GSTK1: variants seen among roughly 807,000 people sequenced by gnomAD.
GSTK1 encodes the protein glutathione S-transferase kappa 1.
GSTK1 carries 25 observed loss-of-function variants against 30.9 expected under a neutral mutation model. The ratio of observed to expected loss-of-function variants is 0.81; its 90% confidence interval spans 0.59 to 1.13. GSTK1 has a LOEUF of 1.13. Ranked by LOEUF, GSTK1 falls within the 50% of genes most tolerant of loss-of-function variation. GSTK1 has a pLI of 0.00. For missense variants in GSTK1, 292 were observed against 292.4 expected, an observed-to-expected ratio of 1.00 and a Z score of 0.01; for synonymous variants, 108 against 112.5, an observed-to-expected ratio of 0.96 and a Z score of 0.25.
At chr7:143,266,593 C>G (rs1193409307) in intron 5 of GSTK1, among the ~76,000 whole-genome samples, 1 of 150,146 alleles carries the variant, frequency 6.7e-6, no homozygotes, top group Non-Finnish European at 1.5e-5. Context: ...AGCACCTTGG[C>G]GCTAACCCTT....
intron 1 of GSTK1, 189 bp downstream of exon 1, chr7:143,263,774 C>T: frequency 1.6e-6 from 1 of 617,328 alleles, no homozygotes; most frequent in African/African-American, 1.8e-5. Flanking sequence ...CTGGCTCCAA[C>T]CCGAGCCTTT....
At chr7:143,265,411 G>A (rs1800847144) in intron 5 of GSTK1, 115 bp downstream of exon 5, 1 of 932,828 alleles carries the variant, frequency 1.1e-6, no homozygotes, top group East Asian at 2.7e-5. Context: ...ATAATTACTG[G>A]GGAAGAAAGG....
Position 143,268,739 on chromosome 7 carries a change from C to T in GSTK1, c.632-49C>T, listed in dbSNP as rs547430770. The T allele has an allele frequency of 6.3e-7, 1 of 1,575,882 alleles. No homozygotes were observed. The highest frequency in any genetic ancestry group is 1.3e-5 in the African/African-American group (1 of 74,132). Reference sequence around the variant, plus strand: ...GACCTTGTGGGACCAACTCCTGCTGCCAGAACACCTGAGAACAGTGTGCAG... The same window carrying T: ...GACCTTGTGGGACCAACTCCTGCTGTCAGAACACCTGAGAACAGTGTGCAG... On this transcript the variant is annotated intron_variant, in intron 7 of 7. Coordinates refer to ENST00000358406, the MANE Select transcript of GSTK1 (RefSeq NM_015917.3). The surrounding 1 kb of genome is among the most constrained non-coding windows in gnomAD (Gnocchi z 4.1).
chr7:143,267,400 G>T (rs560726672), intron 5 of GSTK1, among the ~76,000 whole-genome samples: 1 of 152,160 alleles, frequency 6.6e-6, no homozygotes, highest in Non-Finnish European at 1.5e-5. Context: ...TTCTGTGATT[G>T]ACTCTGTGCC....
Position 143,267,629 on chromosome 7 carries a change from G to C in GSTK1, c.433G>C (p.Ala145Pro). 1 of 1,612,858 alleles carries C rather than the reference G, an allele frequency of 6.2e-7. No homozygotes were observed. Among genetic ancestry groups the C allele is most frequent in the Non-Finnish European group, 8.5e-7 (1 of 1,178,818 alleles). ...PQSILAAAEK[A>P]GMSAEQAQGL... is the part of the protein sequence containing the mutation. ...TATATTCCCTTAGGCTGCAGAGAAGGCTGGTATGTCTGCAGAACAAGCCCA... is the reference window on the plus strand; with the variant it reads ...TATATTCCCTTAGGCTGCAGAGAAGCCTGGTATGTCTGCAGAACAAGCCCA... The change falls in exon 6 of 8, where the codon GCT (alanine) becomes CCT (proline). Residue 145 changes from alanine to proline, a missense_variant. Physicochemically the swap from Ala to Pro is conservative, Grantham distance 27. Transcript: ENST00000358406.
chr7:143,265,089 A>C lies in GSTK1; in HGVS notation c.381A>C (p.Ser127=). 6.2e-7 allele frequency: 1 copy of C among 1,614,138 alleles called. No homozygotes were observed. The highest frequency in any genetic ancestry group is 8.5e-7 in the Non-Finnish European group (1 of 1,180,032). ...ASRELWMRVW[S]RNEDITEPQS... ...GGGAGCTGTGGATGCGCGTCTGGTC[A>C]AGGGTGAGTGTGGGGCTCTGGGAAT... Residue 127 remains serine (S), a synonymous_variant, in exon 4 of 8, where the codon TCA becomes TCC. Coordinates refer to ENST00000358406, the MANE Select transcript of GSTK1 (RefSeq NM_015917.3).
chr7:143,264,030 G>A (rs192672047), intron 1 of GSTK1, 56 bp from the exon 2 acceptor site: 2 of 1,504,088 alleles, frequency 1.3e-6, no homozygotes, highest in East Asian at 2.3e-5. Flanking sequence ...CTTTCCCTCG[G>A]CTCTTTCACT....
rs777631393 is a variant in GSTK1, at chr7:143,268,813, T to G, written c.657T>G (p.Pro219=). ...LLGEKWMGPI[P]PAVNARL ...GAGAGAAGTGGATGGGCCCTATACC[T>G]CCAGCCGTGAATGCCAGACTTTAAG... Residue 219 remains proline (P), a synonymous_variant, in exon 8 of 8, where the codon CCT becomes CCG. Transcript: ENST00000358406. The surrounding 1 kb of genome is among the most constrained non-coding windows in gnomAD (Gnocchi z 4.1). The G allele has an allele frequency of 6.2e-6, 10 of 1,613,724 alleles. No homozygotes were observed. Among genetic ancestry groups the G allele is most frequent in the Non-Finnish European group, 8.5e-6 (10 of 1,179,924 alleles).
At chr7:143,265,188 C>A in intron 4 of GSTK1, 73 bp from the exon 5 acceptor site, 1 of 1,607,118 alleles carries the variant, frequency 6.2e-7, no homozygotes, top group Non-Finnish European at 8.5e-7. Context: ...TGCCCCCGCC[C>A]GGGGGATCTA....
Position 143,268,693 on chromosome 7 carries a change from GTCTT to G in GSTK1, c.632-91_632-88del, listed in dbSNP as rs1371268946. 5 of 1,101,390 alleles carry G rather than the reference GTCTT, an allele frequency of 4.5e-6. No individual in the cohort carries two copies. Among genetic ancestry groups the G allele is most frequent in the Middle Eastern group, 2.6e-4 (1 of 3,780 alleles). 68.2% of individuals were successfully genotyped at this position (1,101,390 alleles called of 1,614,324 possible). Reference sequence around the variant, plus strand: ...TTCTATACCTTGAAGCCAAGCAAAAGTCTTTCTAGAAAACCCCTGGGACCTTGTG... The same window carrying G: ...TTCTATACCTTGAAGCCAAGCAAAAGTCTAGAAAACCCCTGGGACCTTGTG... On this transcript the variant is annotated intron_variant, in intron 7 of 7. Coordinates refer to ENST00000358406, the MANE Select transcript of GSTK1 (RefSeq NM_015917.3). This position sits in a 1 kb window ranked among gnomAD's most constrained non-coding sequence, Gnocchi z 4.1.
At position 143,268,841 on chromosome 7, in the gene GSTK1, T is replaced by G. The variant is rs770253767; in HGVS notation, c.*4T>G. ...AGCCGTGAATGCCAGACTTTAAGAT[T>G]GCCCGGAGGAAGCAAACTCTTCGTA... is the stretch of plus-strand genomic sequence containing the variant. On this transcript the variant is annotated 3_prime_UTR_variant, in exon 8 of 8. Transcript: ENST00000358406. The surrounding 1 kb of genome is among the most constrained non-coding windows in gnomAD (Gnocchi z 4.1). The G allele has an allele frequency of 1.8e-5, 29 of 1,613,694 alleles. No homozygotes were observed. Among genetic ancestry groups the G allele is most frequent in the Non-Finnish European group, 2.5e-5 (29 of 1,179,642 alleles).
At position 143,268,595 on chromosome 7, in the gene GSTK1, C is replaced by A. The variant is rs987102058; in HGVS notation, c.632-193C>A. Among the ~76,000 whole-genome samples, 1 of 152,178 alleles carries A rather than the reference C, an allele frequency of 6.6e-6. No homozygotes were observed. Among genetic ancestry groups the A allele is most frequent in the Non-Finnish European group, 1.5e-5 (1 of 68,048 alleles). On this transcript the variant is annotated intron_variant, in intron 7 of 7. Coordinates refer to ENST00000358406, the MANE Select transcript of GSTK1 (RefSeq NM_015917.3). This position sits in a 1 kb window ranked among gnomAD's most constrained non-coding sequence, Gnocchi z 4.1. ...ATTCTTGGCACTTCCAGTAACAAAG[C>A]GTTATGCAGTCAGTGCTGTTCAAGG...
Position 143,268,675 on chromosome 7 carries a change from C to A in GSTK1, c.632-113C>A. ...ATAAAAGAAAAGGAAGCCTTCTATACCTTGAAGCCAAGCAAAAGTCTTTCT... is the reference window on the plus strand; with the variant it reads ...ATAAAAGAAAAGGAAGCCTTCTATAACTTGAAGCCAAGCAAAAGTCTTTCT... On this transcript the variant is annotated intron_variant, in intron 7 of 7. Coordinates refer to ENST00000358406, the MANE Select transcript of GSTK1 (RefSeq NM_015917.3). This position sits in a 1 kb window ranked among gnomAD's most constrained non-coding sequence, Gnocchi z 4.1. The A allele has an allele frequency of 1.1e-6, 1 of 905,442 alleles. No homozygotes were observed. Among genetic ancestry groups the A allele is most frequent in the East Asian group, 2.5e-5 (1 of 40,508 alleles). 56.1% of individuals were successfully genotyped at this position (905,442 alleles called of 1,614,324 possible). A position where few individuals can be genotyped will look rare whatever the true frequency, so the allele number is the denominator to read the frequency against.
rs148563300 is a variant in GSTK1 at position 143,265,044 on chromosome 7, G to T, written c.336G>T (p.Glu112Asp). The T allele has an allele frequency of 4.3e-6, 7 of 1,614,082 alleles. No individual in the cohort carries two copies. The African/African-American group carries it at 9.3e-5, about 22-fold the overall frequency. ...FLTAVNLEHP[E>D]MLEKASRELW... The stretch of plus-strand genomic sequence containing the variant: ...CCGCCGTGAACTTGGAGCATCCAGA[G>T]ATGCTGGAGAAAGCGTCCCGGGAGC... Residue 112 changes from glutamate (E) to aspartate (D), a missense_variant, in exon 4 of 8, where the codon GAG becomes GAT. Transcript: ENST00000358406.
In GSTK1 at chr7:143,265,567, TCA is replaced by T. The variant is rs139471351; in HGVS notation, c.420+272_420+273del. 5.6e-3 allele frequency among the ~76,000 whole-genome samples: 854 copies of T among 152,298 alleles called. 7 individuals are homozygous for T. The highest frequency in any genetic ancestry group is 0.02 in the African/African-American group (819 of 41,554). ...AAAGATGTCAGTGAGAGAAAGATGC[TCA>T]GTGTTGGAACCCCTGGATGGGGAGG... On this transcript the variant is annotated intron_variant, in intron 5 of 7. Coordinates refer to ENST00000358406, the MANE Select transcript of GSTK1 (RefSeq NM_015917.3).
chr7:143,264,765 GACTAAAGCAAGTGAAGCCTGCCTTGGGAA>G, intron 3 of GSTK1, 89 bp downstream of exon 3: 3 of 1,543,160 alleles, frequency 1.9e-6, no homozygotes, highest in Non-Finnish European at 2.7e-6. Flanking sequence ...GGCTGCGGGA[GACTAAAGCAAGTGAAGCCTGCCTTGGGAA>G]ACCTCAGGAT....
intron 3 of GSTK1, 30 bp from the exon 4 acceptor site, chr7:143,264,962 G>A (rs1015821653): frequency 7.5e-6 from 12 of 1,607,910 alleles, no homozygotes; most frequent in African/African-American, 6.7e-5. Flanking sequence ...AGCAAGAGGA[G>A]CCCTGCCTCT....
intron 5 of GSTK1, among the ~76,000 whole-genome samples, chr7:143,267,238 G>A (rs1299210049): frequency 6.6e-6 from 1 of 152,174 alleles, no homozygotes; most frequent in Non-Finnish European, 1.5e-5. Flanking sequence ...CCCTGGACTT[G>A]AATTCTAGAG....
intron 5 of GSTK1, among the ~76,000 whole-genome samples, chr7:143,265,812 A>G (rs1800858672): frequency 6.6e-6 from 1 of 152,200 alleles, no homozygotes; most frequent in South Asian, 2.1e-4. Flanking sequence ...TGTCTTCAGG[A>G]TTAAATTAGG....
Sources: allele counts gnomAD v4.1 joint callset (sites outside exome capture counted in the v4.1 genomes callset), GRCh38; gene constraint gnomAD v4.1.1; non-coding constraint Gnocchi (gnomAD v3.1); transcripts MANE v1.5; gene names NCBI Gene and HGNC (gene_info 2026-07-23, HGNC 2026-07-21).